Variants in CDC42EP5 observed in about 807,000 individuals in gnomAD.
The protein encoded by CDC42EP5 is CDC42 effector protein (Rho GTPase binding) 5.
For missense variants in CDC42EP5, 269 were observed against 238.0 expected (o/e 1.13, Z -0.86); for synonymous variants, 118 against 123.3 (o/e 0.96, Z 0.28).
intron 2 of CDC42EP5, among the ~76,000 whole-genome samples, chr19:54,468,046 G>T (rs1052213829): frequency 1.3e-5 from 2 of 152,116 alleles, no homozygotes; most frequent in Admixed American, 6.6e-5. Flanking sequence ...TTTTCTATCT[G>T]TAAGATAAAT....
rs1226827952 is a variant in CDC42EP5, at chr19:54,465,375, G to A, written c.173C>T (p.Pro58Leu). 1.7e-6 allele frequency: 2 copies of A among 1,168,788 alleles called. No individual in the cohort carries two copies. The highest frequency in any genetic ancestry group is 2.1e-6 in the Non-Finnish European group (2 of 946,908). 72.4% of individuals were successfully genotyped at this position (1,168,788 alleles called of 1,614,324 possible). The part of the protein sequence containing the change: ...FLSRHGGGPP[P>L]EPRAPPAGAP... Reference sequence around the variant, plus strand: ...CCCCGCGGGGGGCGCCCGGGGCTCGGGGGGCGGCCCGCCGCCGTGGCGGCT... The same window carrying A: ...CCCCGCGGGGGGCGCCCGGGGCTCGAGGGGCGGCCCGCCGCCGTGGCGGCT... Residue 58 changes from proline to leucine, a missense_variant, in exon 3 of 3, where the codon CCC becomes CTC. Coordinates refer to ENST00000301200, the MANE Select transcript of CDC42EP5 (RefSeq NM_145057.4).
At chr19:54,468,233 A>G (rs1355107498) in intron 2 of CDC42EP5, among the ~76,000 whole-genome samples, 2 of 152,184 alleles carry the variant, frequency 1.3e-5, no homozygotes, top group African/African-American at 4.8e-5. Context: ...AAAGCCGCTG[A>G]CATTGTTTTC....
chr19:54,466,904 A>C (rs1600049535), intron 2 of CDC42EP5, among the ~76,000 whole-genome samples: 1 of 149,090 alleles, frequency 6.7e-6, no homozygotes, highest in African/African-American at 2.5e-5. Flanking sequence ...CAGTCCCATC[A>C]CTGCTACCAA....
Position 54,465,328 on chromosome 19 carries a change from G to A in CDC42EP5, c.220C>T (p.Pro74Ser), listed in dbSNP as rs1185106495. The change falls in exon 3 of 3, where the codon CCC (proline) becomes TCC (serine). Residue 74 changes from proline (P) to serine (S), a missense_variant. Transcript: ENST00000301200. ...PAGAPRSPPP[P>S]AVPQSAAPSP... ...GGCGCTGCGGACTGCGGGACGGCGG[G>A]CGGCGGCGGGGAGCGCGGGGCCCCC... 4.2e-6 allele frequency: 5 copies of A among 1,189,480 alleles called. No homozygotes were observed. In the East Asian group the frequency reaches 1.4e-4, roughly 34 times the overall value. 73.7% of individuals were successfully genotyped at this position (1,189,480 alleles called of 1,614,324 possible).
chr19:54,465,796 C>A (rs2084749816), intron 2 of CDC42EP5, among the ~76,000 whole-genome samples: 1 of 152,148 alleles, frequency 6.6e-6, no homozygotes, highest in Non-Finnish European at 1.5e-5. Flanking sequence ...CCACCATACC[C>A]AGCCAATTTT....
rs1405520168 is a variant in CDC42EP5, at chr19:54,465,293, G to A, written c.255C>T (p.Ala85=). 1.6e-6 allele frequency: 2 copies of A among 1,259,570 alleles called. No homozygotes were observed. Among genetic ancestry groups the A allele is most frequent in the Non-Finnish European group, 1.0e-6 (1 of 1,000,118 alleles). The allele number at this position is 1,259,570 out of a possible 1,614,324, so 78.0% of individuals were successfully genotyped here. A position where few individuals can be genotyped will look rare whatever the true frequency, so the allele number is the denominator to read the frequency against. The part of the protein sequence containing the change: ...AVPQSAAPSP[A]DPLLSFHLDL... ...CCAGGTGGAAGGACAGCAGCGGGTC[G>A]GCAGGCGAGGGCGCTGCGGACTGCG... Residue 85 remains alanine, a synonymous_variant, in exon 3 of 3, where the codon GCC becomes GCT. Coordinates refer to ENST00000301200, the MANE Select transcript of CDC42EP5 (RefSeq NM_145057.4).
At chr19:54,466,278 A>G (rs908043199) in intron 2 of CDC42EP5, among the ~76,000 whole-genome samples, 12 of 152,014 alleles carry the variant, frequency 7.9e-5, no homozygotes, top group African/African-American at 2.9e-4. Context: ...CCCCATCTCT[A>G]TAAAAAATGC....
At chr19:54,467,038 G>A (rs1432344513) in intron 2 of CDC42EP5, among the ~76,000 whole-genome samples, 3 of 149,704 alleles carry the variant, frequency 2.0e-5, no homozygotes, top group Non-Finnish European at 4.4e-5. Context: ...TGATCTGCCC[G>A]CCTCGGCCTC....
At position 54,465,167 on chromosome 19, in the gene CDC42EP5, C is replaced by T. The variant is rs1221470586; in HGVS notation, c.381G>A (p.Thr127=). ...GGCGGCAGCGGGCCTGGGGGGGCTGCGTCCCGGGGCGGGGTTCCGCGTCGG... is the reference window on the plus strand; with the variant it reads ...GGCGGCAGCGGGCCTGGGGGGGCTGTGTCCCGGGGCGGGGTTCCGCGTCGG... ...AKPDAEPRPG[T]QPPQARCRPN... The change falls in exon 3 of 3, where the codon ACG becomes ACA. Residue 127 remains threonine, a synonymous_variant. Transcript: ENST00000301200. 3 of 1,408,764 alleles carry T rather than the reference C, an allele frequency of 2.1e-6. No individual in the cohort carries two copies. Among genetic ancestry groups the T allele is most frequent in the South Asian group, 1.5e-5 (1 of 64,876 alleles). The allele number at this position is 1,408,764 out of a possible 1,614,324, so 87.3% of individuals were successfully genotyped here.
At chr19:54,467,404 G>C (rs963090593) in intron 2 of CDC42EP5, among the ~76,000 whole-genome samples, 1 of 151,180 alleles carries the variant, frequency 6.6e-6, no homozygotes, top group African/African-American at 2.4e-5. Context: ...GGTGAGCTGA[G>C]ATCGCGCCAT....
At chr19:54,466,318 C>A (rs998322842) in intron 2 of CDC42EP5, among the ~76,000 whole-genome samples, 8 of 152,152 alleles carry the variant, frequency 5.3e-5, no homozygotes, top group Non-Finnish European at 1.2e-4. Context: ...TGGCGCATGC[C>A]TGTAATCCCA....
At chr19:54,466,286 T>C (rs537032594) in intron 2 of CDC42EP5, among the ~76,000 whole-genome samples, 5 of 151,882 alleles carry the variant, frequency 3.3e-5, no homozygotes, top group Non-Finnish European at 7.4e-5. Context: ...CTATAAAAAA[T>C]GCAAAAATTA....
intron 2 of CDC42EP5, among the ~76,000 whole-genome samples, chr19:54,470,089 T>C (rs2084814467): frequency 6.6e-6 from 1 of 152,144 alleles, no homozygotes; most frequent in Admixed American, 6.6e-5. Context: ...TGTTTGTGGC[T>C]GGGCGCCGTG....
intron 1 of CDC42EP5, 132 bp from the exon 2 acceptor site, chr19:54,471,817 G>T: frequency 5.9e-6 from 1 of 169,302 alleles, no homozygotes; most frequent in Non-Finnish European, 1.3e-5. Flanking sequence ...TCCCACCCCA[G>T]ACCCGAAAGT....
intron 2 of CDC42EP5, among the ~76,000 whole-genome samples, chr19:54,469,503 A>T (rs890093968): frequency 6.6e-6 from 1 of 152,204 alleles, no homozygotes; most frequent in Non-Finnish European, 1.5e-5. Flanking sequence ...GGCTGTGCTG[A>T]TCGCTCTGTG....
In CDC42EP5 at chr19:54,467,568, C is replaced by CTT. The variant is rs550861744; in HGVS notation, c.1-2023_1-2022dup. 9.4e-3 allele frequency among the ~76,000 whole-genome samples: 1,293 copies of CTT among 137,880 alleles called. 19 individuals carry two copies. The highest frequency in any genetic ancestry group is 0.014 in the African/African-American group (525 of 37,210). The allele number at this position is 137,880 out of a possible 152,430, so 90.5% of individuals were successfully genotyped here. On this transcript the variant is annotated intron_variant, in intron 2 of 2. Transcript: ENST00000301200. Reference sequence around the variant, plus strand: ...TTATTGCCCATAGCTGCACCAAATTCTTTTTTTTTTTTTTTTGAGACGGAG... The same window carrying CTT: ...TTATTGCCCATAGCTGCACCAAATTCTTTTTTTTTTTTTTTTTTGAGACGGAG...
At position 54,465,524 on chromosome 19, in the gene CDC42EP5, G is replaced by GCCCAGCTGCTTCAGCACGGGC; in HGVS notation, c.3_23dup (p.Val3_Pro9dup). 6.5e-7 allele frequency: 1 copy of GCCCAGCTGCTTCAGCACGGGC among 1,536,006 alleles called. No individual in the cohort carries two copies. Among genetic ancestry groups the GCCCAGCTGCTTCAGCACGGGC allele is most frequent in the Non-Finnish European group, 8.7e-7 (1 of 1,153,504 alleles). On this transcript the variant is annotated inframe_insertion, in exon 3 of 3. Coordinates refer to ENST00000301200, the MANE Select transcript of CDC42EP5 (RefSeq NM_145057.4). ...CAGGCCGCTTCTTGGGCTGCGCGGG[G>GCCCAGCTGCTTCAGCACGGGC]CCCAGCTGCTTCAGCACGGGCATCT...
At chr19:54,468,097 T>C (rs1437478891) in intron 2 of CDC42EP5, among the ~76,000 whole-genome samples, 1 of 152,194 alleles carries the variant, frequency 6.6e-6, no homozygotes, top group Non-Finnish European at 1.5e-5. Flanking sequence ...TAGAAAAGTC[T>C]GATCAAAGAA....
intron 2 of CDC42EP5, among the ~76,000 whole-genome samples, chr19:54,468,728 T>G (rs1162495608): frequency 2.0e-5 from 3 of 151,492 alleles, no homozygotes; most frequent in Non-Finnish European, 4.4e-5. Flanking sequence ...TTTTTTTTTT[T>G]TTTTGTAGAG....
Sources: allele counts gnomAD v4.1 joint callset (sites outside exome capture counted in the v4.1 genomes callset), GRCh38; gene constraint gnomAD v4.1.1; transcripts MANE v1.5; gene names NCBI Gene and HGNC (gene_info 2026-07-23, HGNC 2026-07-21).